EED: variants seen among roughly 807,000 people sequenced by gnomAD.
EED encodes polycomb protein EED.
In EED, 9 loss-of-function variants were observed where a neutral mutation model predicts 61.0. That is an observed-to-expected ratio of 0.15 (90% CI 0.09 to 0.26). The LOEUF (loss-of-function observed/expected upper bound fraction) is 0.26, where lower values mean the gene tolerates loss of function less well. Ranked by LOEUF, EED falls within the 10% of genes least tolerant of loss-of-function variation. The pLI, the probability that EED is intolerant of heterozygous loss-of-function variation, is 1.00. For missense variants in EED, 315 were observed against 542.3 expected (o/e 0.58, Z 4.16); for synonymous variants, 187 against 174.4 (o/e 1.07, Z -0.57).
At chr11:86,248,796 A>T (rs918151281) in intron 1 of EED, among the ~76,000 whole-genome samples, 1 of 152,078 alleles carries the variant, frequency 6.6e-6, no homozygotes, top group African/African-American at 2.4e-5. Flanking sequence ...AGGTGGGAGG[A>T]TCCTTTGAGT....
At chr11:86,285,915 TACAA>T in the EED span, among the ~76,000 whole-genome samples, 1 of 151,986 alleles carries the variant, frequency 6.6e-6, no homozygotes, top group Non-Finnish European at 1.5e-5. Flanking sequence ...TCATTTTAAA[TACAA>T]ACATAAGAGC....
chr11:86,261,466 G>A (rs1407598225), intron 6 of EED, among the ~76,000 whole-genome samples: 3 of 152,214 alleles, frequency 2.0e-5, no homozygotes, highest in Non-Finnish European at 2.9e-5. Flanking sequence ...GGAGTCGGGT[G>A]CCTGCAGCTC....
downstream of EED, among the ~76,000 whole-genome samples, chr11:86,282,142 T>G (rs1378611878): frequency 6.6e-6 from 1 of 152,190 alleles, no homozygotes; most frequent in Non-Finnish European, 1.5e-5. Context: ...ACTGTAAAAA[T>G]TTACTCTATA....
At position 86,277,178 on chromosome 11, in the gene EED, T is replaced by C. The variant is rs751003434; in HGVS notation, c.1125+40T>C. 1.2e-5 allele frequency: 18 copies of C among 1,498,418 alleles called. 1 individual carries two copies. The Admixed American group carries it at 2.4e-4, about 20-fold the overall frequency. 92.8% of individuals were successfully genotyped at this position (1,498,418 alleles called of 1,614,324 possible). On this transcript the variant is annotated intron_variant, in intron 10 of 11. Transcript: ENST00000263360. Reference sequence around the variant, plus strand: ...TTACATTTTGAAATGATCTGACTTATGAAAGACCATTGTAATTCTAGCTTT... The same window carrying C: ...TTACATTTTGAAATGATCTGACTTACGAAAGACCATTGTAATTCTAGCTTT...
intron 3 of EED, among the ~76,000 whole-genome samples, chr11:86,252,606 T>C (rs1945564027): frequency 6.6e-6 from 1 of 152,060 alleles, no homozygotes; most frequent in South Asian, 2.1e-4. Flanking sequence ...TTTTTTAAAA[T>C]TAAGGTAATG....
At chr11:86,280,890 T>C (rs1946315993), downstream of EED, among the ~76,000 whole-genome samples, 1 of 152,244 alleles carries the variant, frequency 6.6e-6, no homozygotes, top group Non-Finnish European at 1.5e-5. Context: ...GTGTTGAATT[T>C]TGTCAAATGC....
Position 86,278,406 on chromosome 11 carries a change from A to G in EED, c.1207A>G (p.Thr403Ala). The G allele has an allele frequency of 2.5e-6, 4 of 1,613,320 alleles. No homozygotes were observed. Among genetic ancestry groups the G allele is most frequent in the Non-Finnish European group, 3.4e-6 (4 of 1,179,696 alleles). The change falls in exon 12 of 12, where the codon ACA (threonine) becomes GCA (alanine). Residue 403 changes from threonine to alanine, a missense_variant. Around this residue, in one of 2 missense-constraint regions of EED, gnomAD observed 205 missense variants for 455.4 expected, o/e 0.45. Coordinates refer to ENST00000263360, the MANE Select transcript of EED (RefSeq NM_003797.5). ...GTCATGTTTTTTCCCTAGATGTACA[A>G]CACTGACTCATCATAAATGTGGTGC... is the stretch of plus-strand genomic sequence containing the variant. ...VEDPHKAKCT[T>A]LTHHKCGAAI...
chr11:86,245,318 A>G lies in EED; in HGVS notation c.89A>G (p.Asn30Ser). ...AAGCTGAGCAGTGACGAGAACAGCAATCCAGACCTCTCTGGAGACGAGAAT... is the reference window on the plus strand; with the variant it reads ...AAGCTGAGCAGTGACGAGAACAGCAGTCCAGACCTCTCTGGAGACGAGAAT... ...KQKLSSDENS[N>S]PDLSGDENDD... Residue 30 changes from asparagine (N) to serine (S), a missense_variant, in exon 1 of 12, where the codon AAT becomes AGT. Coordinates refer to ENST00000263360, the MANE Select transcript of EED (RefSeq NM_003797.5). The G allele has an allele frequency of 1.2e-6, 2 of 1,613,234 alleles. No individual in the cohort carries two copies.
rs573849181 is a variant in EED, at chr11:86,266,293, A to G, written c.860+77A>G. ...AGTTTTATTTTTTCCCAAAATTGCT[A>G]TATAAGCCCCAACAATGAGTTTAGA... On this transcript the variant is annotated intron_variant, in intron 8 of 11. Transcript: ENST00000263360. 26 of 1,304,780 alleles carry G rather than the reference A, an allele frequency of 2.0e-5. No individual in the cohort carries two copies. The African/African-American group carries it at 3.2e-4, about 16-fold the overall frequency. 80.8% of individuals were successfully genotyped at this position (1,304,780 alleles called of 1,614,324 possible). A position where few individuals can be genotyped will look rare whatever the true frequency, so the allele number is the denominator to read the frequency against.
Sources: allele counts gnomAD v4.1 joint callset (sites outside exome capture counted in the v4.1 genomes callset), GRCh38; gene constraint gnomAD v4.1.1; regional missense constraint gnomAD v4.1.1; transcripts MANE v1.5; gene names NCBI Gene and HGNC (gene_info 2026-07-23, HGNC 2026-07-21).